Variants in GAPVD1 observed in about 807,000 individuals in gnomAD.
The protein encoded by GAPVD1 is GTPase-activating protein and VPS9 domain-containing protein 1.
GAPVD1 carries 35 observed loss-of-function variants against 155.5 expected under a neutral mutation model. The ratio of observed to expected loss-of-function variants is 0.23; its 90% CI spans 0.17 to 0.30. GAPVD1 has a LOEUF of 0.30. Ranked by LOEUF, GAPVD1 falls within the 10% of genes least tolerant of loss-of-function variation. The probability of loss-of-function intolerance (pLI) is 1.00; values close to 1 mark genes in which losing one functional copy is unlikely to be tolerated. For synonymous variants in GAPVD1, 636 were observed against 619.7 expected (o/e 1.03, Z -0.39); for missense variants, 1,429 against 1,775.7 (o/e 0.80, Z 3.51).
At chr9:125,293,880 A>AT (rs1839332740) in intron 2 of GAPVD1, among the ~76,000 whole-genome samples, 1 of 20,396 alleles carries the variant, frequency 4.9e-5, no homozygotes, top group Admixed American at 6.4e-4. Context: ...ATATATATAT[A>AT]TATATATATA....
intron 25 of GAPVD1, 62 bp downstream of exon 25, chr9:125,355,919 AT>A: frequency 2.2e-6 from 2 of 910,888 alleles, no homozygotes; most frequent in Non-Finnish European, 3.7e-6. Context: ...GGTAGCCCAT[AT>A]TTTAGGCAAG....
At chr9:125,280,796 C>T (rs920795491) in intron 2 of GAPVD1, among the ~76,000 whole-genome samples, 4 of 151,598 alleles carry the variant, frequency 2.6e-5, no homozygotes, top group African/African-American at 9.7e-5. Context: ...AGGATGGTGT[C>T]AATCTCCTGA....
chr9:125,345,470 G>A (rs532373026), intron 19 of GAPVD1, among the ~76,000 whole-genome samples: 3 of 152,266 alleles, frequency 2.0e-5, no homozygotes, highest in East Asian at 1.9e-4. Context: ...GTGAGCCACC[G>A]TGCCCAGCCT....
At chr9:125,291,423 A>G (rs1838591570) in intron 2 of GAPVD1, among the ~76,000 whole-genome samples, 1 of 152,196 alleles carries the variant, frequency 6.6e-6, no homozygotes, top group African/African-American at 2.4e-5. Flanking sequence ...GGTGCATTCA[A>G]GGAAGTGATT....
chr9:125,305,840 G>A (rs1488460723), intron 6 of GAPVD1, among the ~76,000 whole-genome samples: 1 of 152,012 alleles, frequency 6.6e-6, no homozygotes, highest in East Asian at 1.9e-4. Context: ...TTGTTATAGA[G>A]ACGAGGTCTT....
chr9:125,285,438 A>G (rs1192887644), intron 2 of GAPVD1, among the ~76,000 whole-genome samples: 2 of 119,428 alleles, frequency 1.7e-5, no homozygotes, highest in Non-Finnish European at 3.5e-5. Flanking sequence ...GGCATAATCT[A>G]TTTCTTTTTT....
At chr9:125,322,306 C>T (rs577521435) in intron 10 of GAPVD1, among the ~76,000 whole-genome samples, 20 of 152,160 alleles carry the variant, frequency 1.3e-4, no homozygotes, top group Admixed American at 7.2e-4. Context: ...CCTCGTGATC[C>T]GCCCACCTCA....
At chr9:125,275,968 G>A (rs925573446) in intron 2 of GAPVD1, among the ~76,000 whole-genome samples, 4 of 152,076 alleles carry the variant, frequency 2.6e-5, no homozygotes, top group South Asian at 2.1e-4. Context: ...CATTTATTAC[G>A]AATGAGTTTA....
intron 2 of GAPVD1, among the ~76,000 whole-genome samples, chr9:125,271,982 A>C (rs1490752473): frequency 6.6e-6 from 1 of 152,252 alleles, no homozygotes; most frequent in African/African-American, 2.4e-5. Context: ...CCAAATGTTT[A>C]AAAATATAGA....
chr9:125,327,524 A>G (rs1845368147), intron 12 of GAPVD1, among the ~76,000 whole-genome samples: 1 of 151,792 alleles, frequency 6.6e-6, no homozygotes, highest in African/African-American at 2.4e-5. Flanking sequence ...TTAATTTAAG[A>G]TAGAGTCTTA....
intron 2 of GAPVD1, among the ~76,000 whole-genome samples, chr9:125,285,613 C>T (rs1426157217): frequency 1.3e-5 from 2 of 151,756 alleles, no homozygotes; most frequent in African/African-American, 2.4e-5. Context: ...GCATCCGCCA[C>T]CACACCCGGC....
intron 11 of GAPVD1, among the ~76,000 whole-genome samples, chr9:125,324,362 G>A (rs1249237035): frequency 2.6e-5 from 4 of 151,942 alleles, no homozygotes; most frequent in South Asian, 2.1e-4. Flanking sequence ...TGGCTGAGGC[G>A]GGTGGATCAC....
chr9:125,326,702 C>G, intron 12 of GAPVD1, 113 bp downstream of exon 12: 2 of 731,852 alleles, frequency 2.7e-6, no homozygotes, highest in East Asian at 2.5e-5. Flanking sequence ...TTAGCACCAT[C>G]TGGGAAACTG....
chr9:125,268,631 C>T (rs1353612246), intron 1 of GAPVD1, among the ~76,000 whole-genome samples: 1 of 151,890 alleles, frequency 6.6e-6, no homozygotes, highest in Non-Finnish European at 1.5e-5. Flanking sequence ...TTCTGAGTAG[C>T]TGGGACCACA....
At chr9:125,302,930 T>C (rs997675645) in intron 5 of GAPVD1, 104 bp downstream of exon 5, 2 of 1,378,354 alleles carry the variant, frequency 1.5e-6, no homozygotes, top group African/African-American at 2.9e-5. Context: ...TTGTATATTC[T>C]TACAACTTTT....
chr9:125,325,564 C>T (rs1437779065), intron 11 of GAPVD1, among the ~76,000 whole-genome samples: 2 of 144,264 alleles, frequency 1.4e-5, no homozygotes, highest in Non-Finnish European at 3.0e-5. Context: ...CTAGGTTTGA[C>T]ACAGTGATTT....
chr9:125,322,777 G>A (rs951746212), intron 10 of GAPVD1, among the ~76,000 whole-genome samples: 1 of 151,908 alleles, frequency 6.6e-6, no homozygotes, highest in Non-Finnish European at 1.5e-5. Context: ...TCTGGGCTGG[G>A]CGAAGTGGCT....
chr9:125,279,071 G>A (rs1204369724), intron 2 of GAPVD1, among the ~76,000 whole-genome samples: 1 of 151,536 alleles, frequency 6.6e-6, no homozygotes, highest in Non-Finnish European at 1.5e-5. Flanking sequence ...AATTAGCCAG[G>A]TGTGGTGGTG....
intron 8 of GAPVD1, chr9:125,309,985 C>A: frequency 2.1e-6 from 1 of 467,656 alleles, no homozygotes; most frequent in Non-Finnish European, 4.4e-6. Flanking sequence ...TATTACCTCT[C>A]ATATTACAGT....
Sources: gnomAD v4.1 joint callset for allele counts (sites outside exome capture counted in the v4.1 genomes callset) on GRCh38, gnomAD v4.1.1 for gene constraint, MANE v1.5 for transcripts, NCBI Gene and HGNC (gene_info 2026-07-23, HGNC 2026-07-21) for gene names.